CACNA2D3: variants seen among roughly 807,000 people sequenced by gnomAD.
The protein encoded by CACNA2D3 is calcium voltage-gated channel auxiliary subunit alpha2delta 3.
In CACNA2D3, 60 loss-of-function variants were observed where a neutral mutation model predicts 160.6. The ratio of observed to expected loss-of-function variants is 0.37; its 90% CI spans 0.30 to 0.46. The LOEUF is 0.46. Among genes scored for constraint, CACNA2D3 ranks in the 20% least tolerant of loss-of-function variants. The pLI is 1.00. For synonymous variants in CACNA2D3, 558 were observed against 492.9 expected (o/e 1.13, Z -1.75); for missense variants, 1,205 against 1,365.0 (o/e 0.88, Z 1.85).
chr3:54,742,895 G>A (rs887655751), intron 11 of CACNA2D3, among the ~76,000 whole-genome samples: 2 of 152,190 alleles, frequency 1.3e-5, no homozygotes, highest in African/African-American at 2.4e-5. Context: ...ACAGATCAGA[G>A]CTTTTTTATA....
At position 54,149,930 on chromosome 3, in the gene CACNA2D3, T is replaced by TCTCTCTCTCTCTCTCTCC. The variant is rs1559863338; in HGVS notation, c.204+26337_204+26338insTCTCTCTCTCTCTCTCCC. ...CTCTCTCTCTCTCTCTCTCTCTCTC[T>TCTCTCTCTCTCTCTCTCC]CCCTCCCTCCCTCCCTCCCTCCCTC... On this transcript the variant is annotated intron_variant, in intron 2 of 37. Transcript: ENST00000474759. 3.7e-4 allele frequency among the ~76,000 whole-genome samples: 15 copies of TCTCTCTCTCTCTCTCTCC among 40,452 alleles called. 2 individuals carry two copies. The highest frequency in any genetic ancestry group is 4.9e-4 in the Non-Finnish European group (11 of 22,520). The allele number at this position is 40,452 out of a possible 152,430, so 26.5% of individuals were successfully genotyped here. A position where few individuals can be genotyped will look rare whatever the true frequency, so the allele number is the denominator to read the frequency against.
chr3:54,772,072 G>A (rs774878087), intron 13 of CACNA2D3, among the ~76,000 whole-genome samples: 5 of 151,314 alleles, frequency 3.3e-5, no homozygotes, highest in African/African-American at 7.3e-5. Flanking sequence ...GATTCCTTTA[G>A]GAATCAGAAG....
At chr3:54,727,946 ACTT>A (rs1421258817) in intron 11 of CACNA2D3, among the ~76,000 whole-genome samples, 2 of 152,168 alleles carry the variant, frequency 1.3e-5, no homozygotes, top group Admixed American at 1.3e-4. Context: ...GACCTTTCTT[ACTT>A]CTTTTGAGAA....
chr3:54,650,666 A>G (rs959011789), intron 11 of CACNA2D3, among the ~76,000 whole-genome samples: 1 of 152,020 alleles, frequency 6.6e-6, no homozygotes, highest in Non-Finnish European at 1.5e-5. Context: ...TGCCAGGCCT[A>G]CTTTTTGTAT....
At chr3:54,883,164 C>T (rs1450038703) in intron 21 of CACNA2D3, among the ~76,000 whole-genome samples, 2 of 152,072 alleles carry the variant, frequency 1.3e-5, no homozygotes, top group Admixed American at 6.6e-5. Context: ...GCTGGGATTA[C>T]AGGAGCATGC....
intron 2 of CACNA2D3, among the ~76,000 whole-genome samples, chr3:54,195,198 G>A (rs111969811): frequency 7.3e-5 from 11 of 151,456 alleles, no homozygotes; most frequent in African/African-American, 2.7e-4. Context: ...TCAGCCGTCT[G>A]GCCGTTGTCC....
At chr3:54,666,268 G>A (rs1700067294) in intron 11 of CACNA2D3, among the ~76,000 whole-genome samples, 1 of 152,164 alleles carries the variant, frequency 6.6e-6, no homozygotes, top group South Asian at 2.1e-4. Flanking sequence ...GGAAATAGAA[G>A]AAATGTCTTC....
At chr3:55,021,191 T>C (rs1703437272) in intron 35 of CACNA2D3, among the ~76,000 whole-genome samples, 1 of 152,186 alleles carries the variant, frequency 6.6e-6, no homozygotes, top group Non-Finnish European at 1.5e-5. Flanking sequence ...CTTTTGTGGT[T>C]AGATATTTCT....
intron 2 of CACNA2D3, among the ~76,000 whole-genome samples, chr3:54,200,197 C>T (rs963287633): frequency 5.9e-5 from 9 of 152,198 alleles, no homozygotes; most frequent in Admixed American, 1.3e-4. Context: ...GCTGATGTAG[C>T]TGAGATCCAG....
intron 9 of CACNA2D3, among the ~76,000 whole-genome samples, chr3:54,612,633 T>A (rs1025432449): frequency 5.1e-4 from 77 of 152,142 alleles, no homozygotes; most frequent in African/African-American, 1.8e-3. Flanking sequence ...TAGAGGTGAG[T>A]AGAGATATAT....
intron 2 of CACNA2D3, among the ~76,000 whole-genome samples, chr3:54,301,302 G>GA (rs58651715): frequency 0.33 from 46,128 of 140,882 alleles, 7,991 homozygotes; most frequent in East Asian, 0.54. Flanking sequence ...ACAAAAGACA[G>GA]AAAAAAAAAA....
chr3:55,026,628 G>A (rs748485618), intron 35 of CACNA2D3, among the ~76,000 whole-genome samples: 4 of 152,172 alleles, frequency 2.6e-5, no homozygotes, highest in Non-Finnish European at 5.9e-5. Context: ...AGAGAGAAGA[G>A]CATTGTGGAG....
intron 9 of CACNA2D3, among the ~76,000 whole-genome samples, chr3:54,595,025 A>G (rs553912767): frequency 1.8e-4 from 28 of 152,348 alleles, no homozygotes; most frequent in Non-Finnish European, 3.5e-4. Flanking sequence ...TCATTCTTCT[A>G]AAGATTTGTT....
At chr3:54,636,300 A>G (rs1373493015) in intron 10 of CACNA2D3, among the ~76,000 whole-genome samples, 2 of 151,916 alleles carry the variant, frequency 1.3e-5, no homozygotes, top group African/African-American at 4.9e-5. Flanking sequence ...AATGGGGTGA[A>G]TATCAGGTGG....
intron 13 of CACNA2D3, among the ~76,000 whole-genome samples, chr3:54,812,751 C>CCA (rs1289846138): frequency 1.3e-5 from 2 of 152,132 alleles, no homozygotes; most frequent in African/African-American, 4.8e-5. Context: ...AGACGTGGGT[C>CCA]CACACAGAGC....
At chr3:54,215,645 C>A (rs1193784442) in intron 2 of CACNA2D3, among the ~76,000 whole-genome samples, 2 of 152,162 alleles carry the variant, frequency 1.3e-5, no homozygotes, top group East Asian at 3.9e-4. Context: ...TGGGGCCATG[C>A]ATCCTTTACT....
At chr3:55,059,669 T>G (rs1575457309) in intron 35 of CACNA2D3, among the ~76,000 whole-genome samples, 1 of 152,318 alleles carries the variant, frequency 6.6e-6, no homozygotes, top group East Asian at 1.9e-4. Flanking sequence ...CTTAGTGCCC[T>G]CTTGGTACCC....
At chr3:54,862,209 GGA>G (rs1245571175) in intron 17 of CACNA2D3, among the ~76,000 whole-genome samples, 1 of 152,256 alleles carries the variant, frequency 6.6e-6, no homozygotes, top group African/African-American at 2.4e-5. Context: ...ATTTGAGAAA[GGA>G]GAGAGACTCA....
chr3:54,956,118 G>A (rs1701886996), intron 27 of CACNA2D3, among the ~76,000 whole-genome samples: 1 of 152,080 alleles, frequency 6.6e-6, no homozygotes, highest in South Asian at 2.1e-4. Flanking sequence ...AGCTCTTCTG[G>A]GAGGATCTGC....
Sources: gnomAD v4.1 joint callset for allele counts (sites outside exome capture counted in the v4.1 genomes callset) on GRCh38, gnomAD v4.1.1 for gene constraint, MANE v1.5 for transcripts, NCBI Gene and HGNC (gene_info 2026-07-23, HGNC 2026-07-21) for gene names.